The following TENM4 variants were observed in gnomAD, a reference collection of about 807,000 sequenced individuals.
The protein encoded by TENM4 is teneurin-4.
Under a neutral mutation model 243.3 loss-of-function variants are expected in TENM4, and 82 were observed. That is an observed-to-expected ratio of 0.34 (90% CI 0.28 to 0.40). The LOEUF (loss-of-function observed/expected upper bound fraction) is 0.40. Ranked by LOEUF, TENM4 falls within the 10% of genes least tolerant of loss-of-function variation. The probability of loss-of-function intolerance (pLI) is 1.00; values close to 1 mark genes in which losing one functional copy is unlikely to be tolerated. For synonymous variants in TENM4, 1,412 were observed against 1,456.3 expected (o/e 0.97, Z 0.69); for missense variants, 3,138 against 3,673.3 (o/e 0.85, Z 3.77).
chr11:79,372,566 A>G (rs78925462), intron 1 of TENM4, among the ~76,000 whole-genome samples: 2,759 of 152,302 alleles, frequency 0.018, 91 homozygotes, highest in African/African-American at 0.063. Context: ...TAATGTCAGC[A>G]GAGAGGACTT....
rs1319670738 is a variant in TENM4, at chr11:78,830,406, T to C, written c.1682-16011A>G. ...AGAGGCCTCTGAGACCTGCTCACTG[T>C]TGGCTGTTAAACTGAGGGAGAAGTG... is the stretch of plus-strand genomic sequence containing the variant. On this transcript the variant is annotated intron_variant, in intron 12 of 33. Transcript: ENST00000278550. 3.3e-5 allele frequency among the ~76,000 whole-genome samples: 5 copies of C among 152,282 alleles called. No individual in the cohort carries two copies. In the South Asian group the frequency reaches 8.3e-4, roughly 25 times the overall value.
At chr11:79,117,033 A>G (rs755339741) in intron 4 of TENM4, among the ~76,000 whole-genome samples, 7 of 152,186 alleles carry the variant, frequency 4.6e-5, no homozygotes, top group Admixed American at 6.5e-5. Flanking sequence ...CACCATCATC[A>G]TCATCATTAT....
intron 6 of TENM4, among the ~76,000 whole-genome samples, chr11:79,036,258 T>A (rs889992432): frequency 1.3e-5 from 2 of 152,222 alleles, no homozygotes; most frequent in Non-Finnish European, 2.9e-5. Flanking sequence ...AAGGCAGGCA[T>A]CCTTCTCCTT....
At chr11:78,996,292 C>A (rs1441895678) in intron 6 of TENM4, among the ~76,000 whole-genome samples, 1 of 152,144 alleles carries the variant, frequency 6.6e-6, no homozygotes, top group Admixed American at 6.5e-5. Context: ...TCTTGAGATC[C>A]AACTATCATG....
rs575723865 is a variant in TENM4, at chr11:79,324,417, C to T, written c.-320-26874G>A. Among the ~76,000 whole-genome samples, 7 of 152,140 alleles carry T rather than the reference C, an allele frequency of 4.6e-5. No individual in the cohort carries two copies. In the South Asian group the frequency reaches 8.3e-4, roughly 18 times the overall value. ...AAAAAAAAATGTAGAGATCAGGTCTCGCTATGTTGACCAGGCTGGTTGGTC... is the reference window on the plus strand; with the variant it reads ...AAAAAAAAATGTAGAGATCAGGTCTTGCTATGTTGACCAGGCTGGTTGGTC... On this transcript the variant is annotated intron_variant, in intron 1 of 33. Coordinates refer to ENST00000278550, the MANE Select transcript of TENM4 (RefSeq NM_001098816.3).
intron 4 of TENM4, chr11:79,097,019 T>C (rs1412896142): frequency 1.3e-5 from 2 of 152,224 alleles, no homozygotes; most frequent in African/African-American, 4.8e-5. Flanking sequence ...ACCACTAATA[T>C]TTAGTATATG....
intron 12 of TENM4, among the ~76,000 whole-genome samples, chr11:78,849,798 A>G (rs533755090): frequency 1.3e-5 from 2 of 152,320 alleles, no homozygotes; most frequent in South Asian, 4.1e-4. Flanking sequence ...AAATAAGAAT[A>G]ATCATCTCAT....
At chr11:79,342,942 G>T (rs1382221820) in intron 1 of TENM4, among the ~76,000 whole-genome samples, 1 of 152,242 alleles carries the variant, frequency 6.6e-6, no homozygotes, top group Non-Finnish European at 1.5e-5. Context: ...CCTCTGGGGG[G>T]TGTTTGCACA....
At chr11:79,115,471 C>T (rs1398293288) in intron 4 of TENM4, among the ~76,000 whole-genome samples, 1 of 152,198 alleles carries the variant, frequency 6.6e-6, no homozygotes, top group Non-Finnish European at 1.5e-5. Context: ...CCCAGAATCA[C>T]TACAATAAAG....
chr11:79,290,107 AGTT>A (rs1275634578), intron 2 of TENM4, among the ~76,000 whole-genome samples: 2 of 152,068 alleles, frequency 1.3e-5, no homozygotes, highest in African/African-American at 4.8e-5. Context: ...TTTCTACTTT[AGTT>A]AGGCTTGGAG....
At position 78,656,327 on chromosome 11, in the gene TENM4, T is replaced by C. The variant is rs1459828499; in HGVS notation, c.*1731A>G. On this transcript the variant is annotated 3_prime_UTR_variant, in exon 34 of 34. Transcript: ENST00000278550. ...CCACACTTAATGTAAATGTAACCCA[T>C]AAAAGTTCCATTTTCTAAGAAGCCC... is the stretch of plus-strand genomic sequence containing the variant. 1.3e-5 allele frequency: 2 copies of C among 152,234 alleles called. No individual in the cohort carries two copies. Among genetic ancestry groups the C allele is most frequent in the Admixed American group, 6.5e-5 (1 of 15,290 alleles). The allele number at this position is 152,234 out of a possible 1,614,324, so 9.4% of individuals were successfully genotyped here.
At position 79,083,355 on chromosome 11, in the gene TENM4, T is replaced by C. The variant is rs184234903; in HGVS notation, c.-65-13346A>G. Among the ~76,000 whole-genome samples, 39 of 152,320 alleles carry C rather than the reference T, an allele frequency of 2.6e-4. No homozygotes were observed. In the East Asian group the frequency reaches 6.8e-3, roughly 26 times the overall value. ...GCTGGCCACCTCCTCTTGAGACTGG[T>C]TCGGTTTTGTCATCCAAAGCCTTTA... is the stretch of plus-strand genomic sequence containing the variant. On this transcript the variant is annotated intron_variant, in intron 4 of 33. Transcript: ENST00000278550.
chr11:79,064,300 A>T (rs1319104438), intron 6 of TENM4, among the ~76,000 whole-genome samples: 2 of 152,214 alleles, frequency 1.3e-5, no homozygotes, highest in East Asian at 3.8e-4. Flanking sequence ...TCTGAACAAC[A>T]TAAGATGCTG....
intron 2 of TENM4, among the ~76,000 whole-genome samples, chr11:79,230,197 T>C (rs1193881717): frequency 2.6e-5 from 4 of 152,176 alleles, no homozygotes; most frequent in African/African-American, 9.7e-5. Context: ...TTGAAGACCA[T>C]TTCAGGACAC....
At chr11:79,324,310 C>G (rs1856938833) in intron 1 of TENM4, among the ~76,000 whole-genome samples, 2 of 152,094 alleles carry the variant, frequency 1.3e-5, no homozygotes. Context: ...CAGCCTCAAA[C>G]TCTTAGGCTC....
At chr11:79,193,624 A>G (rs1323533792) in intron 3 of TENM4, among the ~76,000 whole-genome samples, 2 of 152,182 alleles carry the variant, frequency 1.3e-5, no homozygotes, top group African/African-American at 4.8e-5. Context: ...CTGATCCTAC[A>G]AGTGTCCATC....
intron 1 of TENM4, among the ~76,000 whole-genome samples, chr11:79,415,154 A>G (rs866467700): frequency 2.0e-4 from 30 of 152,220 alleles, no homozygotes; most frequent in African/African-American, 7.0e-4. Flanking sequence ...CTAAGATTCT[A>G]TGATTAGTCA....
Position 78,724,935 on chromosome 11 carries a change from G to C in TENM4, c.3550+1144C>G, listed in dbSNP as rs185143183. On this transcript the variant is annotated intron_variant, in intron 23 of 33. Coordinates refer to ENST00000278550, the MANE Select transcript of TENM4 (RefSeq NM_001098816.3). ...GATGAAAGCCTGAGTGGAGCACAGA[G>C]AGAGAGGAGCCTGGGTCTCAGACCC... Among the ~76,000 whole-genome samples the C allele has an allele frequency of 2.4e-3, 359 of 152,342 alleles. 1 individual carries two copies. Among genetic ancestry groups the C allele is most frequent in the Non-Finnish European group, 3.8e-3 (260 of 68,018 alleles).
chr11:79,192,431 C>A (rs1262599093), intron 3 of TENM4, among the ~76,000 whole-genome samples: 1 of 152,180 alleles, frequency 6.6e-6, no homozygotes, highest in Non-Finnish European at 1.5e-5. Context: ...AAGAAAAATT[C>A]TTCTGCCTTG....
Sources: allele counts gnomAD v4.1 joint callset (sites outside exome capture counted in the v4.1 genomes callset), GRCh38; gene constraint gnomAD v4.1.1; transcripts MANE v1.5; gene names NCBI Gene and HGNC (gene_info 2026-07-23, HGNC 2026-07-21).